Variants in ACAT1 observed in about 807,000 individuals in gnomAD.
ACAT1 encodes acetyl-CoA acetyltransferase 1.
In ACAT1, 28 loss-of-function variants were observed where a neutral mutation model predicts 47.3. The ratio of observed to expected loss-of-function variants is 0.59; its 90% CI spans 0.44 to 0.81. ACAT1 has a LOEUF of 0.81. ACAT1 is among the 30% of genes least tolerant of loss of function. The pLI is 0.00. For synonymous variants in ACAT1, 181 were observed against 173.6 expected, an observed-to-expected ratio of 1.04 and a Z score of -0.34; for missense variants, 469 against 524.3, an observed-to-expected ratio of 0.89 and a Z score of 1.03.
intron 5 of ACAT1, 78 bp from the exon 6 acceptor site, chr11:108,138,820 G>A: frequency 6.7e-7 from 1 of 1,497,340 alleles, no homozygotes; most frequent in Admixed American, 1.7e-5. Context: ...TACTTGTTTG[G>A]TGGTAGCTGT....
chr11:108,139,093 A>G, intron 6 of ACAT1, 52 bp downstream of exon 6: 1 of 1,604,590 alleles, frequency 6.2e-7, no homozygotes, highest in South Asian at 1.1e-5. Context: ...ATACTGTTTG[A>G]TTTTTCTTAC....
At chr11:108,143,855 G>T (rs1383343998) in intron 9 of ACAT1, 128 bp from the exon 10 acceptor site, 1 of 1,007,402 alleles carries the variant, frequency 9.9e-7, no homozygotes, top group East Asian at 2.6e-5. Context: ...AGAAAAGGAA[G>T]ACATATATTT....
chr11:108,121,783 C>T, intron 1 of ACAT1, 105 bp downstream of exon 1: 3 of 1,306,758 alleles, frequency 2.3e-6, no homozygotes, highest in Non-Finnish European at 3.2e-6. Context: ...CCCGGGCGCG[C>T]GGCTTAGGCC....
At chr11:108,134,348 A>G in intron 4 of ACAT1, 32 bp downstream of exon 4, 1 of 1,557,936 alleles carries the variant, frequency 6.4e-7, no homozygotes, top group Non-Finnish European at 8.8e-7. Context: ...TTTTATACTT[A>G]AAATGTGTAA....
chr11:108,126,958 AT>A lies in ACAT1; in HGVS notation c.73-4942del, dbSNP rs1202021943. Among the ~76,000 whole-genome samples, 5 of 151,222 alleles carry A rather than the reference AT, an allele frequency of 3.3e-5. No homozygotes were observed. The South Asian group carries it at 1.0e-3, about 32-fold the overall frequency. ...CAGGCGCGTGCCACCATGCCCTGTT[AT>A]TTTTTTATTTTATTTTATTTTTATT... On this transcript the variant is annotated intron_variant, in intron 1 of 11. Coordinates refer to ENST00000265838, the MANE Select transcript of ACAT1 (RefSeq NM_000019.4).
chr11:108,127,592 G>A (rs1349214046), intron 1 of ACAT1, among the ~76,000 whole-genome samples: 1 of 152,070 alleles, frequency 6.6e-6, no homozygotes, highest in Non-Finnish European at 1.5e-5. Flanking sequence ...TAAAGCCATG[G>A]GACTGGATAT....
At chr11:108,116,892 C>A (rs1301266341), upstream of ACAT1, among the ~76,000 whole-genome samples, 2 of 152,104 alleles carry the variant, frequency 1.3e-5, no homozygotes, top group African/African-American at 4.8e-5. Flanking sequence ...TGGACTCCAG[C>A]CTCCAGAACT....
chr11:108,122,928 A>C (rs1305477392), intron 1 of ACAT1, among the ~76,000 whole-genome samples: 1 of 152,208 alleles, frequency 6.6e-6, no homozygotes, highest in Non-Finnish European at 1.5e-5. Flanking sequence ...TGGTTTAATT[A>C]AGATCTTACA....
At chr11:108,117,173 G>A (rs941684884), upstream of ACAT1, among the ~76,000 whole-genome samples, 1 of 151,984 alleles carries the variant, frequency 6.6e-6, no homozygotes, top group African/African-American at 2.4e-5. Flanking sequence ...AATTAGGTGG[G>A]CATGGTGACA....
intron 5 of ACAT1, 75 bp downstream of exon 5, chr11:108,135,317 T>C: frequency 9.1e-7 from 1 of 1,097,174 alleles, no homozygotes; most frequent in South Asian, 1.3e-5. Context: ...TCTAGGCATA[T>C]TCATATTTTA....
At chr11:108,132,012 A>G in intron 2 of ACAT1, 58 bp downstream of exon 2, 1 of 1,072,416 alleles carries the variant, frequency 9.3e-7, no homozygotes, top group South Asian at 1.3e-5. Flanking sequence ...TGTCAATAAA[A>G]ATGCATATAC....
chr11:108,147,452 G>A lies in ACAT1; in HGVS notation c.*62G>A, dbSNP rs933533432. On this transcript the variant is annotated 3_prime_UTR_variant, in exon 12 of 12. Coordinates refer to ENST00000265838, the MANE Select transcript of ACAT1 (RefSeq NM_000019.4). Reference sequence around the variant, plus strand: ...CCAGAAGGCCTGCTGTAATCAGTGTGACTACTGTGGGTCAGCTTATATTCA... The same window carrying A: ...CCAGAAGGCCTGCTGTAATCAGTGTAACTACTGTGGGTCAGCTTATATTCA... 1.3e-6 allele frequency: 2 copies of A among 1,596,710 alleles called. No homozygotes were observed. Among genetic ancestry groups the A allele is most frequent in the South Asian group, 2.2e-5 (2 of 90,472 alleles).
At position 108,126,177 on chromosome 11, in the gene ACAT1, A is replaced by G. The variant is rs575059075; in HGVS notation, c.72+4499A>G. On this transcript the variant is annotated intron_variant, in intron 1 of 11. Coordinates refer to ENST00000265838, the MANE Select transcript of ACAT1 (RefSeq NM_000019.4). ...ACCCCCACACCTGGCTAATTTTTGT[A>G]TTTTTAGTAGACACGGGGTTTCACC... Among the ~76,000 whole-genome samples the G allele has an allele frequency of 7.9e-5, 12 of 151,976 alleles. No individual in the cohort carries two copies. The South Asian group carries it at 2.1e-3, about 26-fold the overall frequency.
chr11:108,122,140 G>T (rs950631225), intron 1 of ACAT1, among the ~76,000 whole-genome samples: 5 of 152,208 alleles, frequency 3.3e-5, no homozygotes, highest in Admixed American at 2.0e-4. Context: ...AGGGGAGAGG[G>T]CACCATGTGA....
upstream of ACAT1, among the ~76,000 whole-genome samples, chr11:108,120,427 G>A (rs1194292361): frequency 6.6e-6 from 1 of 151,952 alleles, no homozygotes; most frequent in African/African-American, 2.4e-5. Context: ...GGATCCCCTA[G>A]CTACTTGGGA....
chr11:108,141,458 C>G, intron 7 of ACAT1, 147 bp from the exon 8 acceptor site: 1 of 537,124 alleles, frequency 1.9e-6, no homozygotes, highest in Non-Finnish European at 3.4e-6. Context: ...TTATAGTTAA[C>G]AGATTCTAGA....
Position 108,139,908 on chromosome 11 carries a change from C to T in ACAT1, c.580-157C>T, listed in dbSNP as rs1278283409. 7.2e-6 allele frequency: 6 copies of T among 827,616 alleles called. No individual in the cohort carries two copies. In the East Asian group the frequency reaches 1.5e-4, roughly 20 times the overall value. The allele number at this position is 827,616 out of a possible 1,614,324, so 51.3% of individuals were successfully genotyped here. A position where few individuals can be genotyped will look rare whatever the true frequency, so the allele number is the denominator to read the frequency against. ...CCTCATGATCTGCCTGCCTTGGCCC[C>T]CCAAAGTGCTGGGATTACAGGCATG... On this transcript the variant is annotated intron_variant, in intron 6 of 11. Transcript: ENST00000265838.
chr11:108,144,255 T>C (rs1010553061), intron 10 of ACAT1: 2 of 592,946 alleles, frequency 3.4e-6, no homozygotes, highest in South Asian at 2.0e-5. Context: ...ACAAACTACA[T>C]CTTCAGTAGA....
At chr11:108,139,176 A>G (rs2077531788) in intron 6 of ACAT1, 135 bp downstream of exon 6, 1 of 1,129,436 alleles carries the variant, frequency 8.9e-7, no homozygotes, top group Admixed American at 1.9e-5. Flanking sequence ...CTTTTGGAGA[A>G]TATTTTTGTA....
Sources: gnomAD v4.1 joint callset for allele counts (sites outside exome capture counted in the v4.1 genomes callset) on GRCh38, gnomAD v4.1.1 for gene constraint, MANE v1.5 for transcripts, NCBI Gene and HGNC (gene_info 2026-07-23, HGNC 2026-07-21) for gene names.